MAN2C1: variants seen among roughly 807,000 people sequenced by gnomAD.
MAN2C1 encodes the protein mannosidase alpha class 2C member 1.
Under a neutral mutation model 126.9 loss-of-function variants are expected in MAN2C1, and 111 were observed. That is an observed-to-expected ratio of 0.87 (90% confidence interval 0.75 to 1.02). MAN2C1 has a LOEUF of 1.02. MAN2C1 is among the 50% of genes least tolerant of loss of function. MAN2C1 has a pLI of 0.00. For synonymous variants in MAN2C1, 567 were observed against 561.5 expected (o/e 1.01, Z -0.14); for missense variants, 1,363 against 1,364.4 (o/e 1.00, Z 0.02).
chr15:75,359,569 C>A, intron 16 of MAN2C1, 51 bp downstream of exon 16: 1 of 1,604,750 alleles, frequency 6.2e-7, no homozygotes. Context: ...CCTGATCTGT[C>A]TGGCCTCCAT....
chr15:75,359,965 TG>T lies in MAN2C1; in HGVS notation c.1729del (p.His577MetfsTer4). 6.2e-7 allele frequency: 1 copy of T among 1,613,878 alleles called. No homozygotes were observed. The highest frequency in any genetic ancestry group is 8.5e-7 in the Non-Finnish European group (1 of 1,179,874). ...LWRLLLLNQF[H>X]DVVTGSCIQM... ...GATGCAGCTTCCAGTCACCACATCA[TG>T]GAACTGGTTCAGAAGAAGGAGCCTG... On this transcript the variant is annotated frameshift_variant, in exon 15 of 26. Coordinates refer to ENST00000267978, the MANE Select transcript of MAN2C1 (RefSeq NM_006715.4). LOFTEE classifies it high-confidence loss of function.
In MAN2C1 at chr15:75,361,203, A is replaced by G; in HGVS notation, c.1315-12T>C. ...ACGGTCTTCAGCACCTAGACAGGTG[A>G]GGGCAGGCCAGCATGGATCAGCCTG... On this transcript the variant is annotated splice_polypyrimidine_tract_variant and intron_variant, in intron 11 of 25. Transcript: ENST00000267978. This position sits in a 1 kb window ranked among gnomAD's most constrained non-coding sequence, Gnocchi z 5.0. The G allele has an allele frequency of 3.7e-6, 6 of 1,609,550 alleles. No homozygotes were observed. The highest frequency in any genetic ancestry group is 1.7e-4 in the Middle Eastern group (1 of 6,058).
chr15:75,367,331 A>G (rs1440955309), intron 3 of MAN2C1, among the ~76,000 whole-genome samples, 180 bp downstream of exon 3: 2 of 152,198 alleles, frequency 1.3e-5, no homozygotes, highest in South Asian at 2.1e-4. Context: ...TATACACAAT[A>G]AAAACTAAGG....
chr15:75,362,306 A>G lies in MAN2C1; in HGVS notation c.1008+37T>C. 3.2e-6 allele frequency: 5 copies of G among 1,578,904 alleles called. No homozygotes were observed. The highest frequency in any genetic ancestry group is 4.4e-6 in the Non-Finnish European group (5 of 1,149,004). On this transcript the variant is annotated intron_variant, in intron 8 of 25. Transcript: ENST00000267978. The surrounding 1 kb of genome is among the most constrained non-coding windows in gnomAD (Gnocchi z 4.5). ...GGCTACCTGAGGGAAGGCTGTTGTC[A>G]TACAGTTCAAGGCTGAGGAGTGCCC...
chr15:75,359,830 G>A (rs1400730515), intron 15 of MAN2C1, 55 bp from the exon 16 acceptor site: 1 of 1,612,454 alleles, frequency 6.2e-7, no homozygotes, highest in African/African-American at 1.3e-5. Context: ...TGTGCCCATG[G>A]GTATCCCACA....
intron 1 of MAN2C1, 75 bp downstream of exon 1, chr15:75,368,408 T>G: frequency 1.3e-6 from 2 of 1,483,526 alleles, no homozygotes; most frequent in African/African-American, 2.8e-5. Flanking sequence ...TGGCTGCAGC[T>G]TAGGTTTCTC....
At chr15:75,360,935 T>G in intron 12 of MAN2C1, 111 bp downstream of exon 12, 1 of 1,382,496 alleles carries the variant, frequency 7.2e-7, no homozygotes, top group Non-Finnish European at 9.7e-7. Context: ...TGGTCTAGGA[T>G]TGGGACAGGA....
At chr15:75,366,704 C>G (rs1470695159) in intron 3 of MAN2C1, 112 bp from the exon 4 acceptor site, 1 of 726,518 alleles carries the variant, frequency 1.4e-6, no homozygotes, top group African/African-American at 1.8e-5. Flanking sequence ...TCTGGGTCCT[C>G]TCTCCCAAGC....
chr15:75,358,808 C>T lies in MAN2C1; in HGVS notation c.2142G>A (p.Arg714=), dbSNP rs535059365. The stretch of plus-strand genomic sequence containing the variant: ...CCACGGCGCCCTCAGCAATGGCCTC[C>T]CTGGAAGGACATGGGATTGGTGCTG... ...LTSLVLVASG[R]EAIAEGAVGN... is the part of the protein sequence containing the mutation. The change falls in exon 19 of 26, where the codon AGG becomes AGA. Residue 714 remains arginine (R), a splice_region_variant and synonymous_variant. Coordinates refer to ENST00000267978, the MANE Select transcript of MAN2C1 (RefSeq NM_006715.4). 2.4e-5 allele frequency: 39 copies of T among 1,610,676 alleles called. 1 individual carries two copies. The South Asian group carries it at 4.1e-4, about 17-fold the overall frequency.
intron 3 of MAN2C1, 70 bp from the exon 4 acceptor site, chr15:75,366,662 G>A (rs1016065867): frequency 3.4e-5 from 40 of 1,169,712 alleles, no homozygotes; most frequent in Non-Finnish European, 4.5e-5. Context: ...TGTAAGCCAT[G>A]GGGAGTCAGG....
chr15:75,359,908 T>C lies in MAN2C1; in HGVS notation c.1787A>G (p.Tyr596Cys). The stretch of plus-strand genomic sequence containing the variant: ...AGGACTATTGTGAGCCTAACCTTCA[T>C]AATGGCACATGGCTTCCTCTGCCAC... ...QMVAEEAMCH[Y>C]EDIRSHGNTL... is the part of the protein sequence containing the mutation. The change falls in exon 15 of 26, where the codon TAT becomes TGT. Residue 596 changes from tyrosine (Y) to cysteine (C), a missense_variant. By Grantham distance (194) the Tyr-to-Cys change is radical. Around this residue, in one of 3 missense-constraint regions of MAN2C1, gnomAD observed 668 missense variants for 650.1 expected, o/e 1.03. Coordinates refer to ENST00000267978, the MANE Select transcript of MAN2C1 (RefSeq NM_006715.4). 1 of 1,612,542 alleles carries C rather than the reference T, an allele frequency of 6.2e-7. No individual in the cohort carries two copies. Among genetic ancestry groups the C allele is most frequent in the Non-Finnish European group, 8.5e-7 (1 of 1,179,210 alleles).
chr15:75,359,793 G>C lies in MAN2C1; in HGVS notation c.1793-18C>G. On this transcript the variant is annotated intron_variant, in intron 15 of 25. Coordinates refer to ENST00000267978, the MANE Select transcript of MAN2C1 (RefSeq NM_006715.4). ...ACGGATGTCTGAGGAAAGACTGGCTGGTCATAGGTGGGCAACAGGTCTGGA... is the reference window on the plus strand; with the variant it reads ...ACGGATGTCTGAGGAAAGACTGGCTCGTCATAGGTGGGCAACAGGTCTGGA... 1.2e-6 allele frequency: 2 copies of C among 1,613,762 alleles called. No individual in the cohort carries two copies. Among genetic ancestry groups the C allele is most frequent in the Non-Finnish European group, 1.7e-6 (2 of 1,179,884 alleles).
Position 75,361,068 on chromosome 15 carries a change from T to C in MAN2C1, c.1438A>G (p.Ser480Gly), listed in dbSNP as rs918038870. The C allele has an allele frequency of 6.2e-7, 1 of 1,610,850 alleles. No homozygotes were observed. Among genetic ancestry groups the C allele is most frequent in the African/African-American group, 1.3e-5 (1 of 74,892 alleles). ...QTMLDRLKRL[S>G]NTDGLPRVQL... is the part of the protein sequence containing the mutation. ...GACCTGGGCAGCCCATCCGTATTGC[T>C]CAGGCGCTTCAGGCGGTCCAGCATG... Residue 480 changes from serine to glycine, a missense_variant, in exon 12 of 26, where the codon AGC becomes GGC. Transcript: ENST00000267978. This position sits in a 1 kb window ranked among gnomAD's most constrained non-coding sequence, Gnocchi z 5.0.
At position 75,356,160 on chromosome 15, in the gene MAN2C1, G is replaced by A. The variant is rs764882521; in HGVS notation, c.2946C>T (p.Ser982=). Residue 982 remains serine, a synonymous_variant, in exon 25 of 26, where the codon AGC becomes AGT. Coordinates refer to ENST00000267978, the MANE Select transcript of MAN2C1 (RefSeq NM_006715.4). This position sits in a 1 kb window ranked among gnomAD's most constrained non-coding sequence, Gnocchi z 5.8. ...LVLRLYEAHG[S]HVDCWLHLSL... ...ACAAGTGCAGCCAGCAGTCCACGTG[G>A]CTGCCGTGGGCCTCATACAGCCTCA... is the stretch of plus-strand genomic sequence containing the variant. 2 of 1,613,514 alleles carry A rather than the reference G, an allele frequency of 1.2e-6. No homozygotes were observed. The highest frequency in any genetic ancestry group is 2.7e-5 in the African/African-American group (2 of 74,932).
chr15:75,358,498 C>G lies in MAN2C1; in HGVS notation c.2367G>C (p.Leu789=). Residue 789 remains leucine (L), a synonymous_variant, in exon 20 of 26, where the codon CTG becomes CTC. Coordinates refer to ENST00000267978, the MANE Select transcript of MAN2C1 (RefSeq NM_006715.4). ...PNSRLSQEVV[L]DVGCPYVRFH... ...AGCGGACATAGGGGCAGCCAACGTC[C>G]AGCACAACCTCCTGGCTAAGCCGAC... is the stretch of plus-strand genomic sequence containing the variant. 1 of 1,613,538 alleles carries G rather than the reference C, an allele frequency of 6.2e-7. No individual in the cohort carries two copies. The highest frequency in any genetic ancestry group is 8.5e-7 in the Non-Finnish European group (1 of 1,180,012).
Position 75,359,052 on chromosome 15 carries a change from T to C in MAN2C1, c.2141+7A>G. 2 of 1,613,630 alleles carry C rather than the reference T, an allele frequency of 1.2e-6. No homozygotes were observed. The highest frequency in any genetic ancestry group is 1.7e-6 in the Non-Finnish European group (2 of 1,179,892). On this transcript the variant is annotated splice_region_variant and intron_variant, in intron 18 of 25. Coordinates refer to ENST00000267978, the MANE Select transcript of MAN2C1 (RefSeq NM_006715.4). The stretch of plus-strand genomic sequence containing the variant: ...GGCACTGGGAAAGGGCAATGAGGAT[T>C]TGGCACCTGCCAGAGGCCACCAGGA...
rs2072378259 is a variant in MAN2C1, at chr15:75,358,211, G to C, written c.2537C>G (p.Ala846Gly). ...PTHYNTSWDW[A>G]RFEVWAHRWM... is the part of the protein sequence containing the mutation. Reference sequence around the variant, plus strand: ...CCTGCCATGTCAGACCTCAAATCGAGCCCAGTCCCAAGAGGTATTGTAGTG... The same window carrying C: ...CCTGCCATGTCAGACCTCAAATCGACCCCAGTCCCAAGAGGTATTGTAGTG... Residue 846 changes from alanine (A) to glycine (G), a missense_variant, in exon 21 of 26, where the codon GCT (alanine) becomes GGT (glycine). Physicochemically the swap from Ala to Gly is moderately conservative, Grantham distance 60 (BLOSUM62 0). This residue lies in a region of MAN2C1 where 668 missense variants were observed against 650.1 expected (regional missense o/e 1.03). Coordinates refer to ENST00000267978, the MANE Select transcript of MAN2C1 (RefSeq NM_006715.4). 2 of 1,613,988 alleles carry C rather than the reference G, an allele frequency of 1.2e-6. No homozygotes were observed. Among genetic ancestry groups the C allele is most frequent in the Admixed American group, 1.7e-5 (1 of 60,008 alleles).
chr15:75,360,048 A>G, intron 14 of MAN2C1, 42 bp downstream of exon 14: 1 of 1,614,022 alleles, frequency 6.2e-7, no homozygotes, highest in Non-Finnish European at 8.5e-7. Context: ...AGGTAACTGC[A>G]GTGAGCAGTC....
At position 75,355,824 on chromosome 15, in the gene MAN2C1, G is replaced by C. The variant is rs556865249; in HGVS notation, c.*82C>G. On this transcript the variant is annotated 3_prime_UTR_variant, in exon 26 of 26. Transcript: ENST00000267978. ...TCCAAGGATTTATTCCACAAGAAAA[G>C]ACTGATCCCTGCTTTAGGCTGGGGA... The C allele has an allele frequency of 2.1e-6, 3 of 1,453,490 alleles. No homozygotes were observed. The highest frequency in any genetic ancestry group is 2.9e-5 in the African/African-American group (2 of 69,854). 90.0% of individuals were successfully genotyped at this position (1,453,490 alleles called of 1,614,324 possible).
Sources: allele counts gnomAD v4.1 joint callset (sites outside exome capture counted in the v4.1 genomes callset), GRCh38; gene constraint gnomAD v4.1.1; regional missense constraint gnomAD v4.1.1; non-coding constraint Gnocchi (gnomAD v3.1); transcripts MANE v1.5; gene names NCBI Gene and HGNC (gene_info 2026-07-23, HGNC 2026-07-21).